PPHLN1: variants seen among roughly 807,000 people sequenced by gnomAD.
PPHLN1 encodes the protein periphilin 1, also known as periphilin-1.
A neutral mutation model predicts 51.3 loss-of-function variants in PPHLN1; 29 were observed. The observed-to-expected ratio is 0.57, with a 90% CI of 0.42 to 0.77. The LOEUF (loss-of-function observed/expected upper bound fraction) is 0.77. Ranked by LOEUF, PPHLN1 falls within the 30% of genes least tolerant of loss-of-function variation. The pLI is 0.00. For synonymous variants in PPHLN1, 147 were observed against 147.8 expected (o/e 0.99, Z 0.04); for missense variants, 436 against 438.4 (o/e 0.99, Z 0.05).
At chr12:42,419,731 C>T (rs2080814841) in intron 9 of PPHLN1, among the ~76,000 whole-genome samples, 1 of 152,150 alleles carries the variant, frequency 6.6e-6, no homozygotes, top group African/African-American at 2.4e-5. Context: ...AATATTTTTA[C>T]ATTTTTTCCT....
chr12:42,351,010 G>C (rs2073278138), intron 2 of PPHLN1, among the ~76,000 whole-genome samples: 1 of 151,938 alleles, frequency 6.6e-6, no homozygotes, highest in Admixed American at 6.5e-5. Context: ...AGAGGGAGAG[G>C]GGGAGGGGAA....
intron 9 of PPHLN1, among the ~76,000 whole-genome samples, chr12:42,401,221 T>A (rs983878606): frequency 3.3e-5 from 5 of 152,142 alleles, no homozygotes; most frequent in South Asian, 2.1e-4. Context: ...AAATATTTTT[T>A]AAATATATTA....
rs535623394 is a variant in PPHLN1, at chr12:42,427,684, T to C, written c.910-13631T>C. Among the ~76,000 whole-genome samples the C allele has an allele frequency of 2.0e-5, 3 of 152,290 alleles. No individual in the cohort carries two copies. The South Asian group carries it at 6.2e-4, about 32-fold the overall frequency. On this transcript the variant is annotated intron_variant, in intron 9 of 9. Transcript: ENST00000358314. ...GAAGACAACTTAGGAAAAACCCTTC[T>C]AGACATTGGCTTAGGCAAGGATTTC...
At chr12:42,335,548 G>A (rs1298974552) in intron 1 of PPHLN1, among the ~76,000 whole-genome samples, 2 of 151,988 alleles carry the variant, frequency 1.3e-5, no homozygotes, top group Non-Finnish European at 2.9e-5. Context: ...AAAATGAATC[G>A]TTTCTGTTTT....
At chr12:42,371,855 A>C (rs904899995) in intron 4 of PPHLN1, among the ~76,000 whole-genome samples, 1 of 152,182 alleles carries the variant, frequency 6.6e-6, no homozygotes, top group Non-Finnish European at 1.5e-5. Flanking sequence ...AATTAATTTG[A>C]CCTGTTTCTC....
At position 42,387,496 on chromosome 12, in the gene PPHLN1, T is replaced by A; in HGVS notation, c.609T>A (p.Asp203Glu). The change falls in exon 7 of 10, where the codon GAT (aspartate) becomes GAA (glutamate). Residue 203 changes from aspartate to glutamate, a missense_variant. Coordinates refer to ENST00000358314, the MANE Select transcript of PPHLN1 (RefSeq NM_201439.2). ...TCCAGTCTTTGAAAACATCAAGAGA[T>A]ACTTCACCCTCAAGTGGTTCAGCAG... is the stretch of plus-strand genomic sequence containing the variant. The part of the protein sequence containing the change: ...RPVQSLKTSR[D>E]TSPSSGSAVS... The A allele has an allele frequency of 6.2e-7, 1 of 1,613,676 alleles. No individual in the cohort carries two copies. The highest frequency in any genetic ancestry group is 8.5e-7 in the Non-Finnish European group (1 of 1,179,876).
intron 5 of PPHLN1, among the ~76,000 whole-genome samples, chr12:42,382,028 C>T (rs1055784854): frequency 1.3e-5 from 2 of 151,936 alleles, no homozygotes. Flanking sequence ...TCCTTTTTTT[C>T]CTACCTGGGT....
At chr12:42,386,021 T>C (rs1244192185) in intron 6 of PPHLN1, among the ~76,000 whole-genome samples, 1 of 152,228 alleles carries the variant, frequency 6.6e-6, no homozygotes, top group East Asian at 1.9e-4. Context: ...ACTTTTAAAG[T>C]TGCTTAGGGT....
chr12:42,393,832 A>G (rs994283023), intron 8 of PPHLN1, 143 bp downstream of exon 8: 18 of 786,730 alleles, frequency 2.3e-5, no homozygotes, highest in Non-Finnish European at 3.4e-5. Flanking sequence ...ACACAGAATG[A>G]TAGTCAGAAT....
intron 7 of PPHLN1, among the ~76,000 whole-genome samples, chr12:42,388,746 C>G (rs369156953): frequency 6.6e-6 from 1 of 152,160 alleles, no homozygotes; most frequent in East Asian, 1.9e-4. Flanking sequence ...CAGGAGTTCA[C>G]AACTAGCCTT....
At chr12:42,426,228 A>ACACACACACACCCC (rs371819974) in intron 9 of PPHLN1, among the ~76,000 whole-genome samples, 3 of 129,788 alleles carry the variant, frequency 2.3e-5, no homozygotes, top group African/African-American at 9.9e-5. Context: ...ACACACACAC[A>ACACACACACACCCC]CCCTCATGCA....
At chr12:42,362,033 A>G (rs893774813) in intron 4 of PPHLN1, among the ~76,000 whole-genome samples, 29 of 152,184 alleles carry the variant, frequency 1.9e-4, no homozygotes, top group African/African-American at 6.8e-4. Context: ...CGTTCTTGCC[A>G]ATGCTTGTTA....
chr12:42,442,572 C>T, downstream of PPHLN1: 1 of 1,598,978 alleles, frequency 6.3e-7, no homozygotes, highest in Admixed American at 1.7e-5. Context: ...CTAAAGCCGG[C>T]AGTCCCCTAG....
At chr12:42,379,222 T>TC in intron 5 of PPHLN1, among the ~76,000 whole-genome samples, 1 of 152,106 alleles carries the variant, frequency 6.6e-6, no homozygotes, top group Non-Finnish European at 1.5e-5. Context: ...CTAAGTTCAG[T>TC]CTCCCACACC....
chr12:42,358,859 G>T (rs1354295988), intron 4 of PPHLN1, among the ~76,000 whole-genome samples: 1 of 151,928 alleles, frequency 6.6e-6, no homozygotes, highest in African/African-American at 2.4e-5. Flanking sequence ...TACGAGATAG[G>T]TTACTAGAAG....
intron 8 of PPHLN1, among the ~76,000 whole-genome samples, chr12:42,396,615 CAAAAAAAAAAAAAAAAAA>C (rs60131845): frequency 1.2e-5 from 1 of 85,484 alleles, no homozygotes; most frequent in Non-Finnish European, 2.0e-5. Context: ...CTTGTCACTA[CAAAAAAAAAAAAAAAAAA>C]AAAAAAAAAA....
intron 4 of PPHLN1, among the ~76,000 whole-genome samples, chr12:42,363,520 T>C (rs1288474458): frequency 6.6e-6 from 1 of 151,462 alleles, no homozygotes; most frequent in Non-Finnish European, 1.5e-5. Context: ...GTATTAGTGG[T>C]TTATATTCAA....
chr12:42,388,324 A>G (rs958488491), intron 7 of PPHLN1, among the ~76,000 whole-genome samples: 4 of 152,170 alleles, frequency 2.6e-5, no homozygotes, highest in African/African-American at 9.7e-5. Flanking sequence ...GCTGGCGGCA[A>G]TGCTGCTTTG....
intron 9 of PPHLN1, among the ~76,000 whole-genome samples, chr12:42,404,597 G>A (rs1448894171): frequency 1.3e-5 from 2 of 152,026 alleles, no homozygotes; most frequent in African/African-American, 2.4e-5. Flanking sequence ...CCTCTGAAAG[G>A]TGATTTTCTG....
Sources: gnomAD v4.1 joint callset for allele counts (sites outside exome capture counted in the v4.1 genomes callset) on GRCh38, gnomAD v4.1.1 for gene constraint, MANE v1.5 for transcripts, NCBI Gene and HGNC (gene_info 2026-07-23, HGNC 2026-07-21) for gene names.